KIAA0232: variants seen among roughly 807,000 people sequenced by gnomAD.
The protein encoded by KIAA0232 is uncharacterized protein KIAA0232.
KIAA0232 carries 27 observed loss-of-function variants against 122.0 expected under a neutral mutation model. That is an observed-to-expected ratio of 0.22 (90% CI 0.16 to 0.31). KIAA0232 has a LOEUF of 0.31. Among genes scored for constraint, KIAA0232 ranks in the 10% least tolerant of loss-of-function variants. The pLI is 1.00. For synonymous variants in KIAA0232, 613 were observed against 587.6 expected (o/e 1.04, Z -0.63); for missense variants, 1,551 against 1,634.2 (o/e 0.95, Z 0.88).
chr4:6,815,167 A>G (rs1397788703), intron 2 of KIAA0232, among the ~76,000 whole-genome samples: 1 of 152,132 alleles, frequency 6.6e-6, no homozygotes, highest in African/African-American at 2.4e-5. Flanking sequence ...AAAGGCAGAT[A>G]GACAGTTTGA....
rs779492560 is a variant in KIAA0232, at chr4:6,857,214, C to T, written c.420C>T (p.Asp140=). 9 of 1,611,684 alleles carry T rather than the reference C, an allele frequency of 5.6e-6. No homozygotes were observed. In the African/African-American group the frequency reaches 1.2e-4, roughly 22 times the overall value. Residue 140 remains aspartate, a synonymous_variant, in exon 5 of 10, where the codon GAC becomes GAT. Coordinates refer to ENST00000307659, the MANE Select transcript of KIAA0232 (RefSeq NM_014743.3). ...AGGAGCTCTGCTCCAGACTGAAAGACCTTCAGAGTAAGCAAGGTGAGGTCA... is the reference window on the plus strand; with the variant it reads ...AGGAGCTCTGCTCCAGACTGAAAGATCTTCAGAGTAAGCAAGGTGAGGTCA... ...LVEELCSRLK[D]LQSKQEEKIH...
intron 3 of KIAA0232, among the ~76,000 whole-genome samples, chr4:6,826,416 G>A (rs1718688172): frequency 6.6e-6 from 1 of 151,888 alleles, no homozygotes; most frequent in African/African-American, 2.4e-5. Flanking sequence ...AAACATAGAA[G>A]GACTTTAATT....
chr4:6,810,607 C>T (rs1311314479), intron 2 of KIAA0232, among the ~76,000 whole-genome samples: 5 of 152,100 alleles, frequency 3.3e-5, no homozygotes, highest in African/African-American at 1.2e-4. Context: ...AAAGCTTCAG[C>T]AGAGCAAAAG....
In KIAA0232 at chr4:6,861,906, C is replaced by A; in HGVS notation, c.1524C>A (p.His508Gln). ...ATATTCATCTATCAGAATTAACGCACTTCTATGAAGTGGATATTGATCAAT... is the reference window on the plus strand; with the variant it reads ...ATATTCATCTATCAGAATTAACGCAATTCTATGAAGTGGATATTGATCAAT... ...LDDIHLSELT[H>Q]FYEVDIDQSM... Residue 508 changes from histidine (H) to glutamine (Q), a missense_variant, in exon 7 of 10, where the codon CAC becomes CAA. Physicochemically the swap from His to Gln is conservative, Grantham distance 24. Transcript: ENST00000307659. 6.2e-7 allele frequency: 1 copy of A among 1,614,074 alleles called. No homozygotes were observed. Among genetic ancestry groups the A allele is most frequent in the South Asian group, 1.1e-5 (1 of 91,086 alleles).
chr4:6,832,803 C>G (rs980499074), intron 3 of KIAA0232, among the ~76,000 whole-genome samples: 2 of 152,174 alleles, frequency 1.3e-5, no homozygotes, highest in African/African-American at 4.8e-5. Context: ...GGGAAGCATG[C>G]TAGGAGTGGG....
chr4:6,868,176 C>T (rs1379039558), intron 7 of KIAA0232, among the ~76,000 whole-genome samples: 1 of 152,234 alleles, frequency 6.6e-6, no homozygotes, highest in African/African-American at 2.4e-5. Flanking sequence ...CACCCAGCTT[C>T]CACCTTCTAA....
chr4:6,875,540 C>T (rs1019229464), intron 8 of KIAA0232, among the ~76,000 whole-genome samples: 1 of 152,182 alleles, frequency 6.6e-6, no homozygotes, highest in Admixed American at 6.5e-5. Flanking sequence ...CCCAGATGGT[C>T]TTACCCTTGG....
intron 5 of KIAA0232, among the ~76,000 whole-genome samples, chr4:6,857,951 T>G (rs1720647324): frequency 6.6e-6 from 1 of 152,236 alleles, no homozygotes; most frequent in African/African-American, 2.4e-5. Flanking sequence ...TAGCCCTTTT[T>G]CCTGTTTCAG....
In KIAA0232 at chr4:6,883,389, C is replaced by T. The variant is rs914260001; in HGVS notation, c.*2423C>T. On this transcript the variant is annotated 3_prime_UTR_variant, in exon 10 of 10. Transcript: ENST00000307659. ...AAAACAGTTTGTTGTTTTTATTTCT[C>T]ATAGCAAAGCTTCTTTTGTAAAGAA... 3 of 152,504 alleles carry T rather than the reference C, an allele frequency of 2.0e-5. No individual in the cohort carries two copies. In the South Asian group the frequency reaches 6.2e-4, roughly 32 times the overall value. The allele number at this position is 152,504 out of a possible 1,614,324, so 9.4% of individuals were successfully genotyped here.
intron 2 of KIAA0232, among the ~76,000 whole-genome samples, chr4:6,815,043 G>T (rs942240012): frequency 7.1e-6 from 1 of 141,754 alleles, no homozygotes; most frequent in African/African-American, 2.5e-5. Context: ...GGAAGGGAAC[G>T]TTAAAAAAAA....
At chr4:6,812,275 C>T (rs1463733847) in intron 2 of KIAA0232, among the ~76,000 whole-genome samples, 1 of 152,116 alleles carries the variant, frequency 6.6e-6, no homozygotes, top group African/African-American at 2.4e-5. Context: ...TGGAAATGTA[C>T]TATATTTGCA....
intron 2 of KIAA0232, among the ~76,000 whole-genome samples, chr4:6,814,014 A>G (rs1268144675): frequency 6.6e-6 from 1 of 152,102 alleles, no homozygotes; most frequent in African/African-American, 2.4e-5. Context: ...GATAATTTTC[A>G]TTGGACCAAG....
At chr4:6,857,271 A>C in intron 5 of KIAA0232, 41 bp downstream of exon 5, 1 of 1,516,020 alleles carries the variant, frequency 6.6e-7, no homozygotes, top group Non-Finnish European at 9.0e-7. Context: ...CCAGGATTAC[A>C]TCCCTGAGGA....
At chr4:6,867,205 C>T (rs1465778081) in intron 7 of KIAA0232, among the ~76,000 whole-genome samples, 10 of 152,092 alleles carry the variant, frequency 6.6e-5, no homozygotes, top group African/African-American at 1.9e-4. Context: ...GTTTTAGGTG[C>T]TGTAGGTAGA....
intron 1 of KIAA0232, among the ~76,000 whole-genome samples, chr4:6,798,098 A>C (rs945634801): frequency 2.0e-5 from 3 of 152,034 alleles, no homozygotes; most frequent in African/African-American, 7.2e-5. Flanking sequence ...TTTGAAGGAA[A>C]GGCTACAAGT....
chr4:6,861,422 A>G lies in KIAA0232; in HGVS notation c.1040A>G (p.His347Arg), dbSNP rs1197014307. Reference sequence around the variant, plus strand: ...GGTGAAAAGGCTGAAAGGAACATTCATACTGGAAGTAGTAGCAGTAGCAGC... The same window carrying G: ...GGTGAAAAGGCTGAAAGGAACATTCGTACTGGAAGTAGTAGCAGTAGCAGC... Reference protein sequence around the residue: ...KHGEKAERNIHTGSSSSSSSG... With the variant: ...KHGEKAERNIRTGSSSSSSSG... Residue 347 changes from histidine to arginine, a missense_variant, in exon 7 of 10, where the codon CAT (histidine) becomes CGT (arginine). Coordinates refer to ENST00000307659, the MANE Select transcript of KIAA0232 (RefSeq NM_014743.3). The G allele has an allele frequency of 1.2e-6, 2 of 1,614,130 alleles. No individual in the cohort carries two copies. The highest frequency in any genetic ancestry group is 1.1e-5 in the South Asian group (1 of 91,090).
chr4:6,859,013 T>G (rs6814754), intron 6 of KIAA0232, among the ~76,000 whole-genome samples: 116,441 of 150,990 alleles, frequency 0.77, 45,505 homozygotes, highest in Non-Finnish European at 0.85. Flanking sequence ...CAGGAGAATT[T>G]CTGGAACCCG....
Position 6,820,675 on chromosome 4 carries a change from T to TA in KIAA0232, c.-269-3510_-269-3509insA, listed in dbSNP as rs1718381072. 1.2e-4 allele frequency among the ~76,000 whole-genome samples: 19 copies of TA among 152,228 alleles called. 1 individual carries two copies. In the South Asian group the frequency reaches 3.8e-3, roughly 31 times the overall value. The stretch of plus-strand genomic sequence containing the variant: ...AAAAGCTCTACAATGTTTTGTATTA[T>TA]TTTTGTTTAAGCAATTGTCTTTTAA... On this transcript the variant is annotated intron_variant, in intron 2 of 9. Coordinates refer to ENST00000307659, the MANE Select transcript of KIAA0232 (RefSeq NM_014743.3).
intron 8 of KIAA0232, among the ~76,000 whole-genome samples, chr4:6,875,997 A>G (rs1157516709): frequency 6.6e-6 from 1 of 152,212 alleles, no homozygotes; most frequent in Non-Finnish European, 1.5e-5. Flanking sequence ...AAGCCCCCAG[A>G]TGATGAGAAT....
Sources: gnomAD v4.1 joint callset for allele counts (sites outside exome capture counted in the v4.1 genomes callset) on GRCh38, gnomAD v4.1.1 for gene constraint, MANE v1.5 for transcripts, NCBI Gene and HGNC (gene_info 2026-07-23, HGNC 2026-07-21) for gene names.